Variants in DLGAP2 observed in about 807,000 individuals in gnomAD.
DLGAP2 encodes disks large-associated protein 2.
DLGAP2 carries 26 observed loss-of-function variants against 100.3 expected under a neutral mutation model. That is an observed-to-expected ratio of 0.26 (90% CI 0.19 to 0.36). The LOEUF is 0.36. DLGAP2 is among the 10% of genes least tolerant of loss of function. DLGAP2 has a pLI of 1.00. For synonymous variants in DLGAP2, 886 were observed against 630.1 expected (o/e 1.41, Z -6.08); for missense variants, 1,858 against 1,453.2 (o/e 1.28, Z -4.53).
At chr8:943,016 T>C (rs1299507595) in intron 2 of DLGAP2, among the ~76,000 whole-genome samples, 1 of 152,202 alleles carries the variant, frequency 6.6e-6, no homozygotes. Flanking sequence ...GATTGTGGGT[T>C]GGCCACATGG....
At chr8:994,149 T>C (rs1800717458) in intron 2 of DLGAP2, among the ~76,000 whole-genome samples, 1 of 151,890 alleles carries the variant, frequency 6.6e-6, no homozygotes, top group Non-Finnish European at 1.5e-5. Flanking sequence ...TATTGGGGAG[T>C]TTTGCGAAGT....
At chr8:812,255 G>T (rs1478301755) in intron 1 of DLGAP2, among the ~76,000 whole-genome samples, 1 of 152,162 alleles carries the variant, frequency 6.6e-6, no homozygotes, top group Non-Finnish European at 1.5e-5. Flanking sequence ...GGAGGTGAAG[G>T]CCCCATGACC....
chr8:889,110 C>T (rs1479220370), intron 1 of DLGAP2, among the ~76,000 whole-genome samples: 1 of 152,028 alleles, frequency 6.6e-6, no homozygotes, highest in African/African-American at 2.4e-5. Context: ...GCTTTTGAGC[C>T]AGGATGAGCC....
intron 6 of DLGAP2, among the ~76,000 whole-genome samples, chr8:1,588,222 A>T (rs1796184336): frequency 1.3e-5 from 2 of 152,186 alleles, no homozygotes; most frequent in African/African-American, 4.8e-5. Context: ...AATTCATGCA[A>T]GGCTTTCTGT....
intron 3 of DLGAP2, among the ~76,000 whole-genome samples, chr8:1,313,550 G>T (rs1215840714): frequency 6.6e-6 from 1 of 152,114 alleles, no homozygotes; most frequent in South Asian, 2.1e-4. Flanking sequence ...GTGAGGCTGG[G>T]TTCCTCATAA....
At chr8:1,277,166 A>G (rs2116941545) in intron 3 of DLGAP2, among the ~76,000 whole-genome samples, 1 of 152,324 alleles carries the variant, frequency 6.6e-6, no homozygotes, top group East Asian at 1.9e-4. Flanking sequence ...TCTCAGAAAT[A>G]TAGTGTTTCA....
At chr8:751,409 C>T (rs1446490826) in intron 1 of DLGAP2, among the ~76,000 whole-genome samples, 1 of 152,218 alleles carries the variant, frequency 6.6e-6, no homozygotes, top group African/African-American at 2.4e-5. Flanking sequence ...GACAGTCGCT[C>T]AGGAGGTGTC....
rs911658929 is a variant in DLGAP2 at position 1,258,918 on chromosome 8, G to T, written c.106+35G>T. 3.2e-6 allele frequency: 4 copies of T among 1,231,438 alleles called. No homozygotes were observed. In the African/African-American group the frequency reaches 6.2e-5, roughly 19 times the overall value. 76.3% of individuals were successfully genotyped at this position (1,231,438 alleles called of 1,614,324 possible). ...TGACATGCTGCCTGGGGTGGGCGGG[G>T]GCCGCGCGGCTCACAGGTGTGTGGC... On this transcript the variant is annotated intron_variant, in intron 3 of 14. Coordinates refer to ENST00000637795, the MANE Select transcript of DLGAP2 (RefSeq NM_001346810.2).
chr8:1,704,839 A>G lies in DLGAP2; in HGVS notation c.*3433A>G, dbSNP rs1408985981. 2 of 151,942 alleles carry G rather than the reference A, an allele frequency of 1.3e-5. No homozygotes were observed. Among genetic ancestry groups the G allele is most frequent in the Non-Finnish European group, 2.9e-5 (2 of 68,002 alleles). 9.4% of individuals were successfully genotyped at this position (151,942 alleles called of 1,614,324 possible). The stretch of plus-strand genomic sequence containing the variant: ...AGGGAATTTTTCCCTGCTGCTTCTT[A>G]TGAAAGTGGCCAGGTTTATTATTAG... On this transcript the variant is annotated 3_prime_UTR_variant, in exon 15 of 15. Coordinates refer to ENST00000637795, the MANE Select transcript of DLGAP2 (RefSeq NM_001346810.2).
At chr8:981,709 T>A (rs752316315) in intron 2 of DLGAP2, among the ~76,000 whole-genome samples, 15 of 152,228 alleles carry the variant, frequency 9.9e-5, no homozygotes, top group Non-Finnish European at 4.4e-5. Flanking sequence ...TATTATCCAT[T>A]TGTTCATCTT....
chr8:1,370,490 A>T (rs1409388263), intron 3 of DLGAP2, among the ~76,000 whole-genome samples: 2 of 152,248 alleles, frequency 1.3e-5, no homozygotes, highest in African/African-American at 2.4e-5. Flanking sequence ...TTTATCTTCT[A>T]TTTAAAGCAT....
At chr8:1,311,350 G>A (rs1052181703) in intron 3 of DLGAP2, among the ~76,000 whole-genome samples, 6 of 152,160 alleles carry the variant, frequency 3.9e-5, no homozygotes, top group Non-Finnish European at 8.8e-5. Context: ...CCACCAAACA[G>A]GTAAAGATGA....
chr8:1,072,868 T>C (rs1351785054), intron 2 of DLGAP2, among the ~76,000 whole-genome samples: 2 of 152,248 alleles, frequency 1.3e-5, no homozygotes, highest in Admixed American at 6.5e-5. Context: ...AGGCTGAGTG[T>C]GCCCGGGGAC....
At chr8:1,535,316 G>A (rs1369213587) in intron 4 of DLGAP2, among the ~76,000 whole-genome samples, 2 of 152,316 alleles carry the variant, frequency 1.3e-5, no homozygotes, top group African/African-American at 4.8e-5. Context: ...ACAAACTCCT[G>A]CCCTCAGTGT....
At chr8:1,173,270 G>T (rs927666697) in intron 2 of DLGAP2, among the ~76,000 whole-genome samples, 1 of 152,180 alleles carries the variant, frequency 6.6e-6, no homozygotes, top group African/African-American at 2.4e-5. Flanking sequence ...ACCCGGCCAC[G>T]TGAGGTGTCA....
At chr8:1,578,782 T>C (rs1803100130) in intron 6 of DLGAP2, among the ~76,000 whole-genome samples, 1 of 151,992 alleles carries the variant, frequency 6.6e-6, no homozygotes, top group South Asian at 2.1e-4. Context: ...AAAATAAAAA[T>C]AAAAACAAGC....
At chr8:1,152,138 T>C (rs1214059980) in intron 2 of DLGAP2, among the ~76,000 whole-genome samples, 2 of 152,258 alleles carry the variant, frequency 1.3e-5, no homozygotes, top group African/African-American at 4.8e-5. Flanking sequence ...CTATATTTCT[T>C]CTGTAAATTT....
chr8:844,207 A>T (rs1266925353), intron 1 of DLGAP2, among the ~76,000 whole-genome samples: 2 of 152,238 alleles, frequency 1.3e-5, no homozygotes, highest in African/African-American at 4.8e-5. Context: ...TAATTTCTCT[A>T]TTAGGAAGTG....
At chr8:1,272,025 A>C (rs1799593882) in intron 3 of DLGAP2, among the ~76,000 whole-genome samples, 1 of 152,054 alleles carries the variant, frequency 6.6e-6, no homozygotes, top group South Asian at 2.1e-4. Flanking sequence ...CACGTTGGCC[A>C]AGTTGGTCTC....
Sources: gnomAD v4.1 joint callset for allele counts (sites outside exome capture counted in the v4.1 genomes callset) on GRCh38, gnomAD v4.1.1 for gene constraint, MANE v1.5 for transcripts, NCBI Gene and HGNC (gene_info 2026-07-23, HGNC 2026-07-21) for gene names.